The following KCNJ6 variants were observed in gnomAD, a reference collection of about 807,000 sequenced individuals.
KCNJ6 encodes the protein potassium inwardly rectifying channel subfamily J member 6, also known as G protein-activated inward rectifier potassium channel 2.
KCNJ6 carries 9 observed loss-of-function variants against 34.2 expected under a neutral mutation model. The observed-to-expected ratio is 0.26, with a 90% CI of 0.16 to 0.46. The LOEUF is 0.46. Ranked by LOEUF, KCNJ6 falls within the 20% of genes least tolerant of loss-of-function variation. KCNJ6 has a pLI of 1.00. For synonymous variants in KCNJ6, 196 were observed against 207.1 expected, an observed-to-expected ratio of 0.95 and a Z score of 0.46; for missense variants, 236 against 531.3, an observed-to-expected ratio of 0.44 and a Z score of 5.46.
chr21:37,715,176 G>A, intron 2 of KCNJ6, 45 bp from the exon 3 acceptor site: 1 of 1,507,838 alleles, frequency 6.6e-7, no homozygotes, highest in Non-Finnish European at 9.0e-7. Flanking sequence ...TGAAAGGCTG[G>A]CTCTTTGAGG....
intron 2 of KCNJ6, among the ~76,000 whole-genome samples, chr21:37,737,846 G>A (rs773912517): frequency 6.6e-5 from 10 of 152,212 alleles, no homozygotes; most frequent in Non-Finnish European, 1.3e-4. Flanking sequence ...CTGGTTCTAT[G>A]TTTGTAGAGT....
chr21:37,910,462 C>G (rs2055862015), intron 1 of KCNJ6, among the ~76,000 whole-genome samples: 1 of 152,186 alleles, frequency 6.6e-6, no homozygotes, highest in African/African-American at 2.4e-5. Context: ...AGGATTTAAA[C>G]TTAATTTATA....
chr21:37,898,452 C>T (rs1049971389), intron 1 of KCNJ6, among the ~76,000 whole-genome samples: 1 of 152,004 alleles, frequency 6.6e-6, no homozygotes, highest in African/African-American at 2.4e-5. Context: ...CATGGTGGCA[C>T]ATGCCTATAG....
At chr21:37,864,562 AG>A in intron 1 of KCNJ6, among the ~76,000 whole-genome samples, 4 of 152,212 alleles carry the variant, frequency 2.6e-5, no homozygotes, top group Non-Finnish European at 5.9e-5. Flanking sequence ...CAGACTTGTA[AG>A]CTCTGTGCAT....
chr21:37,818,669 C>T (rs914146557), intron 2 of KCNJ6, among the ~76,000 whole-genome samples: 1 of 152,152 alleles, frequency 6.6e-6, no homozygotes, highest in Non-Finnish European at 1.5e-5. Context: ...TGTCATAATG[C>T]GTTTTATCTT....
At chr21:37,863,851 T>TTTTTTTTTTTTTC (rs2055607380) in intron 1 of KCNJ6, among the ~76,000 whole-genome samples, 1 of 57,278 alleles carries the variant, frequency 1.7e-5, no homozygotes, top group African/African-American at 6.1e-5. Context: ...TAAAGGTTTT[T>TTTTTTTTTTTTTC]TTTTTTTTGT....
chr21:37,630,593 A>G (rs935910946), intron 3 of KCNJ6, among the ~76,000 whole-genome samples: 2 of 152,174 alleles, frequency 1.3e-5, no homozygotes, highest in Non-Finnish European at 2.9e-5. Context: ...CATATGAAGG[A>G]CCCTTAGCTA....
chr21:37,651,194 G>A (rs2054431532), intron 3 of KCNJ6, among the ~76,000 whole-genome samples: 1 of 152,206 alleles, frequency 6.6e-6, no homozygotes, highest in African/African-American at 2.4e-5. Flanking sequence ...ACTACAGGGG[G>A]GTGGACAGAG....
intron 1 of KCNJ6, among the ~76,000 whole-genome samples, chr21:37,881,313 T>C (rs184550451): frequency 6.6e-6 from 1 of 152,278 alleles, no homozygotes; most frequent in African/African-American, 2.4e-5. Flanking sequence ...ATTGACTGGA[T>C]GGTTGAAACA....
At chr21:37,859,798 T>C (rs1226100343) in intron 1 of KCNJ6, among the ~76,000 whole-genome samples, 4 of 152,100 alleles carry the variant, frequency 2.6e-5, no homozygotes, top group African/African-American at 9.7e-5. Flanking sequence ...AAAAGCCCAA[T>C]TATGAAGTTA....
chr21:37,777,026 G>T (rs1236973807), intron 2 of KCNJ6, among the ~76,000 whole-genome samples: 2 of 152,062 alleles, frequency 1.3e-5, no homozygotes, highest in Non-Finnish European at 2.9e-5. Context: ...CAATTTCAGA[G>T]CCTGTTATTG....
At chr21:37,793,703 G>A (rs2055228150) in intron 2 of KCNJ6, among the ~76,000 whole-genome samples, 1 of 152,158 alleles carries the variant, frequency 6.6e-6, no homozygotes, top group Non-Finnish European at 1.5e-5. Context: ...GGCAATCTGA[G>A]GCATAGGGGT....
chr21:37,815,885 C>T (rs1203948247), intron 2 of KCNJ6, among the ~76,000 whole-genome samples: 1 of 152,166 alleles, frequency 6.6e-6, no homozygotes, highest in African/African-American at 2.4e-5. Context: ...GATGTACGTC[C>T]CTGCGCATGA....
chr21:37,807,654 C>T (rs1303560892), intron 2 of KCNJ6, among the ~76,000 whole-genome samples: 2 of 152,228 alleles, frequency 1.3e-5, no homozygotes, highest in Non-Finnish European at 2.9e-5. Context: ...GAGCAACAGG[C>T]TGGACCATGT....
intron 1 of KCNJ6, among the ~76,000 whole-genome samples, chr21:37,896,197 A>T (rs557050732): frequency 6.6e-6 from 1 of 152,224 alleles, no homozygotes; most frequent in Non-Finnish European, 1.5e-5. Context: ...GAACTCACTC[A>T]CTATGGCGAG....
chr21:37,661,666 C>T lies in KCNJ6; in HGVS notation c.947-36182G>A, dbSNP rs533873009. Among the ~76,000 whole-genome samples the T allele has an allele frequency of 1.8e-3, 222 of 120,352 alleles. 1 individual carries two copies. Among genetic ancestry groups the T allele is most frequent in the Non-Finnish European group, 3.0e-3 (187 of 62,172 alleles). 79.0% of individuals were successfully genotyped at this position (120,352 alleles called of 152,430 possible). A position where few individuals can be genotyped will look rare whatever the true frequency, so the allele number is the denominator to read the frequency against. On this transcript the variant is annotated intron_variant, in intron 3 of 3. Transcript: ENST00000609713. ...GAGACTGGAGTCTCTCTCTGTCGCC[C>T]AGGCTGGAGTGCAGTGGCGCGATCT...
At chr21:37,809,021 C>T (rs1178903203) in intron 2 of KCNJ6, among the ~76,000 whole-genome samples, 1 of 152,234 alleles carries the variant, frequency 6.6e-6, no homozygotes, top group Non-Finnish European at 1.5e-5. Flanking sequence ...CATCCCATTA[C>T]TGGGTATATA....
intron 3 of KCNJ6, among the ~76,000 whole-genome samples, chr21:37,637,402 A>C (rs1340000823): frequency 2.0e-5 from 3 of 152,246 alleles, no homozygotes; most frequent in African/African-American, 7.2e-5. Flanking sequence ...TGGATTTTTA[A>C]AAATGTCTAA....
intron 2 of KCNJ6, among the ~76,000 whole-genome samples, chr21:37,832,254 C>T (rs1330481885): frequency 6.6e-6 from 1 of 151,036 alleles, no homozygotes; most frequent in African/African-American, 2.4e-5. Context: ...ATTTAAAGTG[C>T]CTAAATTTCA....
Sources: gnomAD v4.1 joint callset for allele counts (sites outside exome capture counted in the v4.1 genomes callset) on GRCh38, gnomAD v4.1.1 for gene constraint, MANE v1.5 for transcripts, NCBI Gene and HGNC (gene_info 2026-07-23, HGNC 2026-07-21) for gene names.